ZNF438: variants seen among roughly 807,000 people sequenced by gnomAD.
ZNF438 encodes zinc finger protein 438.
A neutral mutation model predicts 38.0 loss-of-function variants in ZNF438; 25 were observed. That is an observed-to-expected ratio of 0.66 (90% confidence interval 0.48 to 0.92). The LOEUF (loss-of-function observed/expected upper bound fraction) is 0.92, where lower values mean the gene tolerates loss of function less well. ZNF438 is among the 40% of genes least tolerant of loss of function. ZNF438 has a pLI of 0.00. For missense variants in ZNF438, 1,007 were observed against 999.6 expected (o/e 1.01, Z -0.10); for synonymous variants, 372 against 364.1 (o/e 1.02, Z -0.25).
rs898691555 is a variant in ZNF438 at position 30,848,403 on chromosome 10, A to C, written c.1874+128T>G. On this transcript the variant is annotated intron_variant, in intron 5 of 5. Transcript: ENST00000413025. ...TTCTTCACAGATCTAGGAGGTATACATAGCTACTTTATGAAATCTTAATCC... is the reference window on the plus strand; with the variant it reads ...TTCTTCACAGATCTAGGAGGTATACCTAGCTACTTTATGAAATCTTAATCC... The C allele has an allele frequency of 8.1e-6, 9 of 1,111,760 alleles. No individual in the cohort carries two copies. In the Admixed American group the frequency reaches 1.9e-4, roughly 24 times the overall value. The allele number at this position is 1,111,760 out of a possible 1,614,324, so 68.9% of individuals were successfully genotyped here.
intron 1 of ZNF438, among the ~76,000 whole-genome samples, chr10:30,969,829 G>GTT (rs146309850): frequency 3.4e-5 from 5 of 149,198 alleles, no homozygotes; most frequent in Non-Finnish European, 6.0e-5. Flanking sequence ...AGTTTTTATT[G>GTT]TTTTTTTTTC....
At chr10:30,856,732 A>G (rs1382616353) in intron 4 of ZNF438, among the ~76,000 whole-genome samples, 1 of 152,242 alleles carries the variant, frequency 6.6e-6, no homozygotes, top group Non-Finnish European at 1.5e-5. Context: ...CTAAACATGG[A>G]CTTTTATTAA....
chr10:30,950,012 A>G (rs911610864), intron 1 of ZNF438, among the ~76,000 whole-genome samples: 11 of 152,284 alleles, frequency 7.2e-5, no homozygotes, highest in African/African-American at 2.4e-4. Context: ...AGCTCTCCTC[A>G]ACAAATGTAA....
In ZNF438 at chr10:31,029,660, A is replaced by G. The variant is rs2057159541; in HGVS notation, c.-192+2173T>C. Among the ~76,000 whole-genome samples the G allele has an allele frequency of 2.0e-5, 3 of 152,220 alleles. 1 individual carries two copies. The highest frequency in any genetic ancestry group is 4.1e-4 in the South Asian group (2 of 4,832). On this transcript the variant is annotated intron_variant, in intron 1 of 5. Coordinates refer to ENST00000413025, the Ensembl canonical transcript of ZNF438. ...ATCCGACCCACTCTAATCTACAGTT[A>G]ATTCTCCATACAATAAAACTTAAAT... is the stretch of plus-strand genomic sequence containing the variant.
intron 1 of ZNF438, among the ~76,000 whole-genome samples, chr10:31,030,430 G>A (rs1564372559): frequency 6.6e-6 from 1 of 152,206 alleles, no homozygotes; most frequent in Admixed American, 6.5e-5. Context: ...ATCCAGGCTA[G>A]GGGACCAATG....
At chr10:30,857,101 A>G in intron 4 of ZNF438, among the ~76,000 whole-genome samples, 1 of 152,186 alleles carries the variant, frequency 6.6e-6, no homozygotes, top group East Asian at 1.9e-4. Context: ...TCCCACTCCA[A>G]TTTGAAGCAA....
At chr10:30,977,626 GCA>G (rs1161851408) in intron 1 of ZNF438, among the ~76,000 whole-genome samples, 2 of 152,150 alleles carry the variant, frequency 1.3e-5, no homozygotes, top group Non-Finnish European at 2.9e-5. Flanking sequence ...AAGCAGAGAA[GCA>G]CAGTTTCTAG....
chr10:30,952,953 G>GT (rs1436260037), intron 1 of ZNF438, among the ~76,000 whole-genome samples: 1 of 45,890 alleles, frequency 2.2e-5, no homozygotes. Context: ...ACATGCACAC[G>GT]TATGTTTATT....
chr10:30,932,885 ATGGAATCAGATTGG>A (rs1260478189), intron 2 of ZNF438, among the ~76,000 whole-genome samples: 1 of 152,182 alleles, frequency 6.6e-6, no homozygotes, highest in Non-Finnish European at 1.5e-5. Flanking sequence ...CACTCATAAG[ATGGAATCAGATTGG>A]CATCATGCTA....
At chr10:30,884,775 G>A (rs572174220) in intron 3 of ZNF438, among the ~76,000 whole-genome samples, 69 of 152,364 alleles carry the variant, frequency 4.5e-4, no homozygotes, top group African/African-American at 1.6e-3. Context: ...TTGACAAAGT[G>A]ACAGCCTGAT....
intron 2 of ZNF438, among the ~76,000 whole-genome samples, chr10:30,928,471 G>A (rs1448102202): frequency 1.3e-5 from 2 of 151,418 alleles, no homozygotes; most frequent in Non-Finnish European, 2.9e-5. Flanking sequence ...ATGATCCAGT[G>A]GTACACTTAT....
chr10:30,848,838 G>C, exon 5 of ZNF438: 1 of 1,614,246 alleles, frequency 6.2e-7, no homozygotes, highest in Non-Finnish European at 8.5e-7. Context: ...ATGTGGTCTC[G>C]AAGGTGCTGT....
At chr10:30,964,624 T>C (rs1012943615) in intron 1 of ZNF438, among the ~76,000 whole-genome samples, 3 of 152,236 alleles carry the variant, frequency 2.0e-5, no homozygotes, top group African/African-American at 7.2e-5. Context: ...CAGATTATCT[T>C]TAATCGATAA....
chr10:30,876,940 T>C, intron 4 of ZNF438, 58 bp downstream of exon 5: 1 of 1,345,796 alleles, frequency 7.4e-7, no homozygotes. Context: ...TGACATTCAA[T>C]GTATCAAATT....
At chr10:30,856,861 C>T (rs2034723280) in intron 4 of ZNF438, among the ~76,000 whole-genome samples, 1 of 152,070 alleles carries the variant, frequency 6.6e-6, no homozygotes, top group Non-Finnish European at 1.5e-5. Context: ...ACTAAAATAA[C>T]AATTTTGAAA....
At chr10:31,025,770 T>C (rs1015220475) in intron 1 of ZNF438, among the ~76,000 whole-genome samples, 6 of 152,182 alleles carry the variant, frequency 3.9e-5, no homozygotes, top group Admixed American at 2.6e-4. Flanking sequence ...TGTGTTAAAA[T>C]CAAACCTAAA....
chr10:30,858,026 G>A (rs1487079917), intron 4 of ZNF438, among the ~76,000 whole-genome samples: 1 of 152,168 alleles, frequency 6.6e-6, no homozygotes, highest in East Asian at 1.9e-4. Flanking sequence ...TCTTCTGGTC[G>A]CTGGTTTGGG....
chr10:30,941,040 C>T (rs899085851), intron 2 of ZNF438, among the ~76,000 whole-genome samples: 1 of 142,020 alleles, frequency 7.0e-6, no homozygotes, highest in Non-Finnish European at 1.6e-5. Context: ...ACAAATAACA[C>T]CAAGAGTTTA....
chr10:30,906,362 C>G (rs951264425), intron 3 of ZNF438, among the ~76,000 whole-genome samples: 1 of 152,112 alleles, frequency 6.6e-6, no homozygotes, highest in Admixed American at 6.5e-5. Flanking sequence ...AGTTTTATTT[C>G]TCAATTTCCA....
Sources: gnomAD v4.1 joint callset for allele counts (sites outside exome capture counted in the v4.1 genomes callset) on GRCh38, gnomAD v4.1.1 for gene constraint, MANE v1.5 for transcripts, NCBI Gene and HGNC (gene_info 2026-07-23, HGNC 2026-07-21) for gene names.